ZBTB38: variants seen among roughly 807,000 people sequenced by gnomAD.
ZBTB38 encodes the protein zinc finger and BTB domain containing 38.
A neutral mutation model predicts 76.8 loss-of-function variants in ZBTB38; 20 were observed. The ratio of observed to expected loss-of-function variants is 0.26; its 90% CI spans 0.18 to 0.38. ZBTB38 has a LOEUF of 0.38. ZBTB38 is among the 10% of genes least tolerant of loss of function. The pLI, the probability that ZBTB38 is intolerant of heterozygous loss-of-function variation, is 1.00. For synonymous variants in ZBTB38, 504 were observed against 544.2 expected (o/e 0.93, Z 1.03); for missense variants, 1,082 against 1,482.3 (o/e 0.73, Z 4.43).
At chr3:141,370,057 C>T (rs1042888387) in intron 2 of ZBTB38, 111 bp downstream of exon 2, 3 of 152,194 alleles carry the variant, frequency 2.0e-5, no homozygotes, top group African/African-American at 7.2e-5. Flanking sequence ...GATTTCTGTA[C>T]ACAATGATTA....
chr3:141,403,947 G>C lies in ZBTB38; in HGVS notation c.-85G>C, dbSNP rs1953328987. ...TTTAGATCTTGATGTGGAAGAAATGGAGGACTCAGAACCAAGGATTTCCAA... is the reference window on the plus strand; with the variant it reads ...TTTAGATCTTGATGTGGAAGAAATGCAGGACTCAGAACCAAGGATTTCCAA... On this transcript the variant is annotated 5_prime_UTR_variant, in exon 5 of 6. Transcript: ENST00000321464. 6.6e-6 allele frequency: 1 copy of C among 152,158 alleles called. No homozygotes were observed. Among genetic ancestry groups the C allele is most frequent in the Non-Finnish European group, 1.5e-5 (1 of 68,032 alleles). 9.4% of individuals were successfully genotyped at this position (152,158 alleles called of 1,614,324 possible).
chr3:141,422,732 G>T (rs1161838891), intron 5 of ZBTB38, among the ~76,000 whole-genome samples: 2 of 151,962 alleles, frequency 1.3e-5, no homozygotes, highest in Admixed American at 6.6e-5. Flanking sequence ...GGGCTGTGCG[G>T]GTGCCTTATC....
intron 4 of ZBTB38, chr3:141,387,904 A>T (rs1045083301): frequency 6.6e-6 from 1 of 152,174 alleles, no homozygotes; most frequent in Non-Finnish European, 1.5e-5. Context: ...TGAAATTTGC[A>T]TGTTTTTATA....
At chr3:141,376,982 TA>T (rs1266752221) in intron 2 of ZBTB38, among the ~76,000 whole-genome samples, 1 of 152,206 alleles carries the variant, frequency 6.6e-6, no homozygotes. Flanking sequence ...GATAACGATC[TA>T]ACCTGAGAAA....
At chr3:141,347,738 A>T (rs1399573929) in intron 1 of ZBTB38, among the ~76,000 whole-genome samples, 4 of 152,230 alleles carry the variant, frequency 2.6e-5, no homozygotes, top group Non-Finnish European at 2.9e-5. Flanking sequence ...GCCTGGCTCC[A>T]GTTCCTGCCA....
At chr3:141,432,279 T>C in intron 5 of ZBTB38, 1 of 985,320 alleles carries the variant, frequency 1.0e-6, no homozygotes, top group Non-Finnish European at 1.2e-6. Context: ...TTTTTTTAGT[T>C]AGGTTTTATT....
chr3:141,412,616 C>T (rs527419619), intron 5 of ZBTB38, among the ~76,000 whole-genome samples: 1 of 152,184 alleles, frequency 6.6e-6, no homozygotes, highest in South Asian at 2.1e-4. Flanking sequence ...TTACCAACAT[C>T]ATTGCTCCTT....
intron 1 of ZBTB38, among the ~76,000 whole-genome samples, chr3:141,348,874 T>A (rs1943439801): frequency 6.6e-6 from 1 of 152,076 alleles, no homozygotes; most frequent in African/African-American, 2.4e-5. Flanking sequence ...TTTTACAGAA[T>A]TTCTGGAGGG....
At chr3:141,432,023 C>G in intron 5 of ZBTB38, 1 of 889,982 alleles carries the variant, frequency 1.1e-6, no homozygotes, top group South Asian at 5.1e-5. Flanking sequence ...TTTCTAACAC[C>G]CCGTCACGTG....
At chr3:141,428,763 A>G (rs901186190) in intron 5 of ZBTB38, among the ~76,000 whole-genome samples, 2 of 152,210 alleles carry the variant, frequency 1.3e-5, no homozygotes, top group African/African-American at 4.8e-5. Flanking sequence ...GACGTGAGCC[A>G]AGGCGCCCGG....
rs2151032113 is a variant in ZBTB38 at position 141,448,055 on chromosome 3, T to C, written c.*2079T>C. ...TTGAATTGATAATTAGAATATTGAA[T>C]AAGCAATCCTATGATCCACTAATTT... On this transcript the variant is annotated 3_prime_UTR_variant, in exon 6 of 6. Transcript: ENST00000321464. 6.5e-6 allele frequency: 1 copy of C among 152,784 alleles called. No individual in the cohort carries two copies. Among genetic ancestry groups the C allele is most frequent in the Admixed American group, 6.5e-5 (1 of 15,306 alleles). The allele number at this position is 152,784 out of a possible 1,614,324, so 9.5% of individuals were successfully genotyped here.
chr3:141,324,968 A>G (rs1280017420), intron 1 of ZBTB38, among the ~76,000 whole-genome samples: 2 of 152,256 alleles, frequency 1.3e-5, no homozygotes, highest in Non-Finnish European at 2.9e-5. Flanking sequence ...AGTAGTGATC[A>G]TATATTAAGA....
intron 1 of ZBTB38, among the ~76,000 whole-genome samples, chr3:141,325,270 T>C (rs1023244741): frequency 6.6e-6 from 1 of 152,234 alleles, no homozygotes; most frequent in Non-Finnish European, 1.5e-5. Context: ...AAATATTTAA[T>C]TGTGTGTCAA....
At chr3:141,438,883 G>T (rs889811813) in intron 5 of ZBTB38, among the ~76,000 whole-genome samples, 1 of 151,650 alleles carries the variant, frequency 6.6e-6, no homozygotes, top group Non-Finnish European at 1.5e-5. Flanking sequence ...AGACGCTGTC[G>T]ACTGGGCTGC....
intron 5 of ZBTB38, among the ~76,000 whole-genome samples, chr3:141,412,065 T>C (rs1042319395): frequency 6.6e-6 from 1 of 152,210 alleles, no homozygotes; most frequent in Non-Finnish European, 1.5e-5. Flanking sequence ...AATAGTTGTC[T>C]TAACCTCCAA....
chr3:141,428,179 T>A (rs963609078), intron 5 of ZBTB38, among the ~76,000 whole-genome samples: 7 of 152,238 alleles, frequency 4.6e-5, no homozygotes, highest in African/African-American at 1.7e-4. Context: ...GGCATATGAC[T>A]CAGGCTGGTT....
exon 1 of ZBTB38, chr3:141,324,243 AG>A (rs1426649894): frequency 5.3e-5 from 8 of 152,236 alleles, no homozygotes; most frequent in Admixed American, 6.5e-5. Flanking sequence ...GGCCTCGGGC[AG>A]CCCTACCAAA....
chr3:141,368,833 C>G (rs58006740), intron 1 of ZBTB38, 29 bp downstream of exon 1: 1 of 151,974 alleles, frequency 6.6e-6, no homozygotes, highest in Non-Finnish European at 1.5e-5. Flanking sequence ...TTGGCCCCCC[C>G]TCACTCAGCG....
In ZBTB38 at chr3:141,348,478, C is replaced by G. The variant is rs148292772; in HGVS notation, c.-738-20143C>G. Among the ~76,000 whole-genome samples, 43 of 152,344 alleles carry G rather than the reference C, an allele frequency of 2.8e-4. No individual in the cohort carries two copies. The East Asian group carries it at 7.3e-3, about 26-fold the overall frequency. ...TTATTTTTATCATTACTTGCAGTGTCTTTCCTGAACCTTAGCCTAAAATCC... is the reference window on the plus strand; with the variant it reads ...TTATTTTTATCATTACTTGCAGTGTGTTTCCTGAACCTTAGCCTAAAATCC... On this transcript the variant is annotated intron_variant, in intron 1 of 7. Transcript: ENST00000509842.
Sources: allele counts gnomAD v4.1 joint callset (sites outside exome capture counted in the v4.1 genomes callset), GRCh38; gene constraint gnomAD v4.1.1; transcripts MANE v1.5; gene names NCBI Gene and HGNC (gene_info 2026-07-23, HGNC 2026-07-21).